The following FOXP2 variants were observed in gnomAD, a reference collection of about 807,000 sequenced individuals.
The protein encoded by FOXP2 is forkhead box protein P2.
A neutral mutation model predicts 115.8 loss-of-function variants in FOXP2; 12 were observed. The ratio of observed to expected loss-of-function variants is 0.10; its 90% CI spans 0.07 to 0.17. FOXP2 has a LOEUF of 0.17. Among genes scored for constraint, FOXP2 ranks in the 10% least tolerant of loss-of-function variants. FOXP2 has a pLI of 1.00. For synonymous variants in FOXP2, 328 were observed against 297.7 expected, an observed-to-expected ratio of 1.10 and a Z score of -1.05; for missense variants, 629 against 843.5, an observed-to-expected ratio of 0.75 and a Z score of 3.15.
At chr7:114,257,535 C>G (rs1019396093) in intron 1 of FOXP2, among the ~76,000 whole-genome samples, 3 of 145,296 alleles carry the variant, frequency 2.1e-5, no homozygotes, top group Non-Finnish European at 3.0e-5. Flanking sequence ...CTCACTGCAA[C>G]CTTTGCCTCC....
intron 2 of FOXP2, among the ~76,000 whole-genome samples, chr7:114,436,904 A>G (rs1333361619): frequency 6.6e-6 from 1 of 152,186 alleles, no homozygotes; most frequent in East Asian, 1.9e-4. Flanking sequence ...CCTAAATGGT[A>G]CCAGATAATG....
At chr7:114,112,411 C>G (rs759633359) in intron 1 of FOXP2, among the ~76,000 whole-genome samples, 1 of 152,078 alleles carries the variant, frequency 6.6e-6, no homozygotes, top group Non-Finnish European at 1.5e-5. Context: ...AATTCTCCAG[C>G]CTCAGCCTCC....
At chr7:114,285,703 T>C (rs1382536191) in intron 1 of FOXP2, among the ~76,000 whole-genome samples, 2 of 152,102 alleles carry the variant, frequency 1.3e-5, no homozygotes, top group East Asian at 1.9e-4. Flanking sequence ...TGGTATCTCA[T>C]TGGTTTTTTA....
intron 2 of FOXP2, among the ~76,000 whole-genome samples, chr7:114,443,291 C>G (rs17371347): frequency 0.041 from 6,276 of 152,170 alleles, 217 homozygotes; most frequent in Non-Finnish European, 0.065. Flanking sequence ...GTTATGCATT[C>G]TTTAATTTTA....
intron 2 of FOXP2, among the ~76,000 whole-genome samples, chr7:114,385,076 C>T (rs1174023876): frequency 6.6e-6 from 1 of 151,776 alleles, no homozygotes; most frequent in Non-Finnish European, 1.5e-5. Flanking sequence ...CTCTCTCCCT[C>T]TTAGCCATTA....
intron 3 of FOXP2, among the ~76,000 whole-genome samples, chr7:114,566,137 A>C (rs1801006967): frequency 6.6e-6 from 1 of 152,170 alleles, no homozygotes; most frequent in Admixed American, 6.6e-5. Flanking sequence ...CAGCAAACAC[A>C]ACAAAACAGT....
At chr7:114,502,880 T>G (rs1307066718) in intron 2 of FOXP2, among the ~76,000 whole-genome samples, 1 of 152,040 alleles carries the variant, frequency 6.6e-6, no homozygotes, top group Non-Finnish European at 1.5e-5. Context: ...TGTCCTTCAT[T>G]ATTAGCACCT....
chr7:114,296,841 T>G (rs925113736), intron 2 of FOXP2, among the ~76,000 whole-genome samples: 3 of 152,224 alleles, frequency 2.0e-5, no homozygotes, highest in Non-Finnish European at 4.4e-5. Flanking sequence ...AACTTGCTGA[T>G]TAAAGGCAGT....
chr7:114,129,964 C>A (rs1379274889), intron 1 of FOXP2, among the ~76,000 whole-genome samples: 1 of 152,036 alleles, frequency 6.6e-6, no homozygotes, highest in East Asian at 1.9e-4. Flanking sequence ...TAAAACATCA[C>A]AAAATAAAAC....
At chr7:114,428,850 A>C (rs1562921013) in intron 2 of FOXP2, among the ~76,000 whole-genome samples, 1 of 151,614 alleles carries the variant, frequency 6.6e-6, no homozygotes, top group Admixed American at 6.6e-5. Context: ...AACAAATTTC[A>C]CAAGAAGTGA....
intron 2 of FOXP2, among the ~76,000 whole-genome samples, chr7:114,478,694 T>C (rs1050595112): frequency 6.6e-6 from 1 of 151,742 alleles, no homozygotes; most frequent in Non-Finnish European, 1.5e-5. Flanking sequence ...GGGAGTAAAA[T>C]GTGAATAGCA....
At chr7:114,171,681 C>A (rs1027570577) in intron 1 of FOXP2, among the ~76,000 whole-genome samples, 4 of 152,162 alleles carry the variant, frequency 2.6e-5, no homozygotes, top group African/African-American at 9.7e-5. Context: ...CCATAGCGCA[C>A]AGATCAAGGG....
At position 114,331,327 on chromosome 7, in the gene FOXP2, T is replaced by A. The variant is rs150540506; in HGVS notation, c.-11+43218T>A. On this transcript the variant is annotated intron_variant, in intron 2 of 17. Transcript: ENST00000634411. ...TTATTGGACAAAAGTCTCAGGTTAA[T>A]GTGATAGCAATAATGGTTAAAATAG... is the stretch of plus-strand genomic sequence containing the variant. Among the ~76,000 whole-genome samples the A allele has an allele frequency of 3.7e-3, 566 of 152,316 alleles. 7 individuals are homozygous for A. The highest frequency in any genetic ancestry group is 4.4e-3 in the East Asian group (23 of 5,186).
intron 1 of FOXP2, among the ~76,000 whole-genome samples, chr7:114,263,804 T>A (rs1248003815): frequency 6.6e-6 from 1 of 151,682 alleles, no homozygotes; most frequent in East Asian, 2.0e-4. Flanking sequence ...CCATAACAGT[T>A]ATACTGGTAT....
intron 3 of FOXP2, among the ~76,000 whole-genome samples, chr7:114,626,644 G>A (rs1804608007): frequency 6.6e-6 from 1 of 151,076 alleles, no homozygotes; most frequent in Admixed American, 6.6e-5. Context: ...AGTTTAATAT[G>A]TCTATCTTTC....
intron 1 of FOXP2, among the ~76,000 whole-genome samples, chr7:114,135,276 G>A (rs1329723215): frequency 2.0e-5 from 3 of 152,056 alleles, no homozygotes; most frequent in Admixed American, 2.0e-4. Context: ...ATGCAGTGCT[G>A]CTGATTTTTA....
intron 3 of FOXP2, among the ~76,000 whole-genome samples, chr7:114,608,962 G>A (rs916895145): frequency 6.6e-6 from 1 of 152,040 alleles, no homozygotes; most frequent in Admixed American, 6.6e-5. Flanking sequence ...ACTTTGGAAG[G>A]CCGAGGCGGG....
intron 3 of FOXP2, among the ~76,000 whole-genome samples, chr7:114,609,319 AG>A (rs1803506490): frequency 6.6e-6 from 1 of 152,162 alleles, no homozygotes; most frequent in African/African-American, 2.4e-5. Context: ...AATTGTGCAA[AG>A]AATCTTAATG....
At chr7:114,360,703 G>C (rs1052660037) in intron 2 of FOXP2, among the ~76,000 whole-genome samples, 1 of 152,102 alleles carries the variant, frequency 6.6e-6, no homozygotes, top group Non-Finnish European at 1.5e-5. Context: ...AGAATTGGTG[G>C]TGGAAAGCTA....
Sources: allele counts gnomAD v4.1 joint callset (sites outside exome capture counted in the v4.1 genomes callset), GRCh38; gene constraint gnomAD v4.1.1; transcripts MANE v1.5; gene names NCBI Gene and HGNC (gene_info 2026-07-23, HGNC 2026-07-21).